The following MSRB3 variants were observed in gnomAD, a reference collection of about 807,000 sequenced individuals.
MSRB3 encodes the protein methionine sulfoxide reductase B3.
In MSRB3, 13 loss-of-function variants were observed where a neutral mutation model predicts 21.0. The ratio of observed to expected loss-of-function variants is 0.62; its 90% confidence interval spans 0.40 to 0.98. The LOEUF (loss-of-function observed/expected upper bound fraction) is 0.98, where lower values mean the gene tolerates loss of function less well. Ranked by LOEUF, MSRB3 falls within the 50% of genes least tolerant of loss-of-function variation. The pLI is 0.00. For missense variants in MSRB3, 199 were observed against 230.3 expected (o/e 0.86, Z 0.88); for synonymous variants, 87 against 88.6 (o/e 0.98, Z 0.10).
intron 5 of MSRB3, among the ~76,000 whole-genome samples, chr12:65,447,482 C>G (rs942044018): frequency 2.0e-5 from 3 of 152,040 alleles, no homozygotes; most frequent in Non-Finnish European, 4.4e-5. Flanking sequence ...GATACTGTTA[C>G]CAAGAAAGCC....
intron 2 of MSRB3, among the ~76,000 whole-genome samples, chr12:65,320,653 C>G (rs1874605129): frequency 6.6e-6 from 1 of 152,290 alleles, no homozygotes; most frequent in African/African-American, 2.4e-5. Flanking sequence ...GCACTCTGAT[C>G]ATACGTTGAA....
chr12:65,461,678 T>C (rs1883337998), intron 6 of MSRB3, among the ~76,000 whole-genome samples: 1 of 152,214 alleles, frequency 6.6e-6, no homozygotes, highest in South Asian at 2.1e-4. Context: ...CATTTTTCTC[T>C]CTTCATCTCC....
intron 1 of MSRB3, among the ~76,000 whole-genome samples, chr12:65,289,967 A>T (rs1367475773): frequency 1.3e-5 from 2 of 152,190 alleles, no homozygotes; most frequent in Non-Finnish European, 2.9e-5. Context: ...ATTGGTGTAT[A>T]TAACTCATCT....
intron 5 of MSRB3, among the ~76,000 whole-genome samples, chr12:65,428,313 T>G (rs188131390): frequency 6.6e-6 from 1 of 150,894 alleles, no homozygotes; most frequent in Non-Finnish European, 1.5e-5. Context: ...GTGTGTATAT[T>G]TTTTTTTTGC....
chr12:65,401,688 C>G (rs868076160), intron 5 of MSRB3, among the ~76,000 whole-genome samples: 6 of 152,154 alleles, frequency 3.9e-5, no homozygotes, highest in African/African-American at 1.4e-4. Context: ...TTAGTTGATG[C>G]AGTTTCTTCA....
rs779637317 is a variant in MSRB3, at chr12:65,326,839, T to C, written c.90T>C (p.Asp30=). 2 of 1,610,418 alleles carry C rather than the reference T, an allele frequency of 1.2e-6. No homozygotes were observed. Among genetic ancestry groups the C allele is most frequent in the East Asian group, 4.5e-5 (2 of 44,712 alleles). ...ACGLPSGSCR[D]KKNCKVVFSQ... is the part of the protein sequence containing the mutation. ...CTCTCTTTTCAGGGTCGTGTAGGGA[T>C]AAAAAGAACTGTAAGGTGGTCTTTT... The change falls in exon 3 of 7, where the codon GAT becomes GAC. Residue 30 remains aspartate (D), a synonymous_variant. Coordinates refer to ENST00000308259, the MANE Select transcript of MSRB3 (RefSeq NM_001031679.3).
intron 5 of MSRB3, among the ~76,000 whole-genome samples, chr12:65,406,114 G>A (rs888002473): frequency 2.0e-5 from 3 of 151,972 alleles, no homozygotes; most frequent in Non-Finnish European, 4.4e-5. Context: ...TGTTGCCTGT[G>A]TTTTTGGAGT....
At chr12:65,391,659 T>C (rs1186211242) in intron 5 of MSRB3, among the ~76,000 whole-genome samples, 2 of 152,208 alleles carry the variant, frequency 1.3e-5, no homozygotes, top group Non-Finnish European at 2.9e-5. Context: ...CATTTGTAAG[T>C]TGGTTGTTTT....
intron 5 of MSRB3, among the ~76,000 whole-genome samples, chr12:65,429,017 T>G (rs1881750509): frequency 6.6e-6 from 1 of 152,168 alleles, no homozygotes; most frequent in Non-Finnish European, 1.5e-5. Flanking sequence ...GACTGTATGG[T>G]TGCCTCTTGT....
At chr12:65,440,127 T>A (rs188556955) in intron 5 of MSRB3, among the ~76,000 whole-genome samples, 1 of 151,806 alleles carries the variant, frequency 6.6e-6, no homozygotes, top group Admixed American at 6.6e-5. Context: ...TGGTATTCTG[T>A]TTAGAAGAAA....
chr12:65,388,976 T>C (rs2136572911), intron 5 of MSRB3, among the ~76,000 whole-genome samples: 1 of 152,334 alleles, frequency 6.6e-6, no homozygotes, highest in South Asian at 2.1e-4. Flanking sequence ...TTCTACCTTG[T>C]TTATTAATCC....
chr12:65,423,065 T>A (rs1475464881), intron 5 of MSRB3, among the ~76,000 whole-genome samples: 1 of 149,926 alleles, frequency 6.7e-6, no homozygotes, highest in Non-Finnish European at 1.5e-5. Context: ...TGGGTTCAAG[T>A]GATTCTCTTG....
intron 5 of MSRB3, among the ~76,000 whole-genome samples, chr12:65,412,732 G>A (rs899400139): frequency 5.9e-5 from 9 of 152,070 alleles, no homozygotes; most frequent in African/African-American, 2.2e-4. Context: ...CCATTCTCAT[G>A]CTGCTATAAA....
chr12:65,292,770 G>A (rs1012777559), intron 1 of MSRB3, among the ~76,000 whole-genome samples: 1 of 152,272 alleles, frequency 6.6e-6, no homozygotes, highest in African/African-American at 2.4e-5. Context: ...TGGGAAAGAA[G>A]AGTAGTGTGG....
In MSRB3 at chr12:65,349,310, G is replaced by A. The variant is rs867929172; in HGVS notation, c.264-19688G>A. 5.2e-3 allele frequency among the ~76,000 whole-genome samples: 795 copies of A among 151,722 alleles called. 4 individuals are homozygous for A. Among genetic ancestry groups the A allele is most frequent in the African/African-American group, 0.018 (756 of 41,286 alleles). ...CATTTTCTTAATCCAGTCTATCATT[G>A]TTGGACATTTGGGTTGGTTCCAAGT... On this transcript the variant is annotated intron_variant, in intron 4 of 6. Coordinates refer to ENST00000308259, the MANE Select transcript of MSRB3 (RefSeq NM_001031679.3).
In MSRB3 at chr12:65,308,589, T is replaced by G. The variant is rs1873794822; in HGVS notation, c.10T>G (p.Phe4Val). Residue 4 changes from phenylalanine (F) to valine (V), a missense_variant, in exon 2 of 7, where the codon TTC becomes GTC. Coordinates refer to ENST00000308259, the MANE Select transcript of MSRB3 (RefSeq NM_001031679.3). MSAFNLLHLVTKSQ... is the reference protein window; with the variant it reads MSAVNLLHLVTKSQ... ...TGAAGATATCACAGTGATGTCTGCA[T>G]TCAACCTGCTGCATTTGGTGACAAA... is the stretch of plus-strand genomic sequence containing the variant. The G allele has an allele frequency of 6.2e-7, 1 of 1,613,966 alleles. No individual in the cohort carries two copies. The highest frequency in any genetic ancestry group is 8.5e-7 in the Non-Finnish European group (1 of 1,179,878).
chr12:65,344,647 C>A (rs764807988), intron 4 of MSRB3, among the ~76,000 whole-genome samples: 3 of 151,878 alleles, frequency 2.0e-5, no homozygotes, highest in Non-Finnish European at 4.4e-5. Flanking sequence ...AACAGTGATG[C>A]TTTTTCAATG....
intron 5 of MSRB3, among the ~76,000 whole-genome samples, chr12:65,383,902 AC>A (rs1212892934): frequency 6.6e-6 from 1 of 151,928 alleles, no homozygotes; most frequent in Non-Finnish European, 1.5e-5. Context: ...CAGGTGATCC[AC>A]CCGCCTCGGC....
chr12:65,351,945 C>T (rs558346338), intron 4 of MSRB3, among the ~76,000 whole-genome samples: 21 of 152,100 alleles, frequency 1.4e-4, no homozygotes, highest in Admixed American at 8.5e-4. Context: ...AAGAGGGAAT[C>T]GTCCCTAACT....
Sources: allele counts gnomAD v4.1 joint callset (sites outside exome capture counted in the v4.1 genomes callset), GRCh38; gene constraint gnomAD v4.1.1; transcripts MANE v1.5; gene names NCBI Gene and HGNC (gene_info 2026-07-23, HGNC 2026-07-21).